UTRN: variants seen among roughly 807,000 people sequenced by gnomAD.
UTRN encodes utrophin.
A neutral mutation model predicts 463.9 loss-of-function variants in UTRN; 283 were observed. That is an observed-to-expected ratio of 0.61 (90% CI 0.55 to 0.67). The LOEUF is 0.67. UTRN is among the 30% of genes least tolerant of loss of function. UTRN has a pLI of 0.00. For missense variants in UTRN, 3,922 were observed against 4,084.3 expected (o/e 0.96, Z 1.08); for synonymous variants, 1,442 against 1,431.5 (o/e 1.01, Z -0.17).
chr6:144,599,318 G>T (rs1038557469), intron 51 of UTRN, among the ~76,000 whole-genome samples: 6 of 152,058 alleles, frequency 3.9e-5, no homozygotes, highest in Admixed American at 6.6e-5. Flanking sequence ...ATTTTATATT[G>T]AAAAAATCTT....
At chr6:144,447,098 C>A in intron 14 of UTRN, 113 bp from the exon 15 acceptor site, 3 of 894,256 alleles carry the variant, frequency 3.4e-6, no homozygotes, top group Admixed American at 2.7e-5. Flanking sequence ...CTTCTTATCC[C>A]CATGTAAGGG....
At chr6:144,595,046 T>C (rs964591738) in intron 51 of UTRN, among the ~76,000 whole-genome samples, 2 of 152,156 alleles carry the variant, frequency 1.3e-5, no homozygotes, top group African/African-American at 2.4e-5. Context: ...ATAGAAATTA[T>C]TTAGAATACA....
intron 50 of UTRN, among the ~76,000 whole-genome samples, chr6:144,571,464 T>C (rs1386268150): frequency 6.6e-6 from 1 of 152,180 alleles, no homozygotes; most frequent in Non-Finnish European, 1.5e-5. Context: ...CTTACCTTCT[T>C]CTATCATTTT....
intron 65 of UTRN, among the ~76,000 whole-genome samples, chr6:144,809,101 C>G (rs1248619587): frequency 6.6e-6 from 1 of 152,082 alleles, no homozygotes; most frequent in African/African-American, 2.4e-5. Flanking sequence ...TTCATAATGA[C>G]TGAACCAAAG....
At position 144,548,791 on chromosome 6, in the gene UTRN, G is replaced by A. The variant is rs1353700773; in HGVS notation, c.6747G>A (p.Leu2249=). The A allele has an allele frequency of 5.6e-6, 9 of 1,614,034 alleles. No individual in the cohort carries two copies. The highest frequency in any genetic ancestry group is 6.8e-6 in the Non-Finnish European group (8 of 1,179,966). ...GGCTGGTATTAATCGACCAGATGCT[G>A]AAGTCCAACATTGTCACTGTTGGGG... is the stretch of plus-strand genomic sequence containing the variant. ...ADWLVLIDQM[L]KSNIVTVGDV... The change falls in exon 47 of 75, where the codon CTG becomes CTA. Residue 2249 remains leucine, a synonymous_variant. Transcript: ENST00000367545.
intron 51 of UTRN, among the ~76,000 whole-genome samples, chr6:144,627,796 G>GTTTT (rs34178832): frequency 8.9e-5 from 10 of 112,110 alleles, no homozygotes; most frequent in East Asian, 2.5e-4. Flanking sequence ...TTCCTTCTGT[G>GTTTT]TTTTTTTTTT....
At chr6:144,361,449 G>C (rs1280958988) in intron 2 of UTRN, among the ~76,000 whole-genome samples, 1 of 152,168 alleles carries the variant, frequency 6.6e-6, no homozygotes, top group Admixed American at 6.5e-5. Flanking sequence ...GGCTATGTTT[G>C]AGTTAAAACC....
At chr6:144,694,807 A>G (rs1326098601) in intron 52 of UTRN, among the ~76,000 whole-genome samples, 2 of 151,464 alleles carry the variant, frequency 1.3e-5, no homozygotes, top group African/African-American at 2.4e-5. Flanking sequence ...CTAGCAGTCT[A>G]TCTATTTTAT....
chr6:144,372,024 T>G (rs1202167320), intron 2 of UTRN, among the ~76,000 whole-genome samples: 1 of 152,212 alleles, frequency 6.6e-6, no homozygotes, highest in Non-Finnish European at 1.5e-5. Context: ...TTGAAAAGAA[T>G]AGACAGTGTT....
intron 56 of UTRN, among the ~76,000 whole-genome samples, chr6:144,753,719 T>C (rs1791648051): frequency 6.7e-6 from 1 of 149,530 alleles, no homozygotes; most frequent in Admixed American, 6.7e-5. Flanking sequence ...AAAAAAAAAT[T>C]AACCCGGCAT....
chr6:144,618,791 C>T (rs1348109713), intron 51 of UTRN, among the ~76,000 whole-genome samples: 1 of 152,002 alleles, frequency 6.6e-6, no homozygotes, highest in African/African-American at 2.4e-5. Context: ...TTAGTTAAAG[C>T]TAAGCATGGT....
chr6:144,327,885 A>G (rs1027267131), intron 2 of UTRN, among the ~76,000 whole-genome samples: 1 of 151,740 alleles, frequency 6.6e-6, no homozygotes, highest in Non-Finnish European at 1.5e-5. Flanking sequence ...TGGAGGTTGC[A>G]GTGAGCCGAG....
rs1804892076 is a variant in UTRN, at chr6:144,606,777, T to TA, written c.7479+29490dup. Among the ~76,000 whole-genome samples, 5 of 152,370 alleles carry TA rather than the reference T, an allele frequency of 3.3e-5. No homozygotes were observed. The South Asian group carries it at 1.0e-3, about 32-fold the overall frequency. ...CATTGTCTTAGCTTTCTTGAGTTTT[T>TA]ATCCTGGAATTTCTGTTTGAGGTGT... On this transcript the variant is annotated intron_variant, in intron 51 of 74. Coordinates refer to ENST00000367545, the MANE Select transcript of UTRN (RefSeq NM_007124.3).
At chr6:144,454,014 G>A (rs1788578340) in intron 19 of UTRN, 145 bp downstream of exon 19, 3 of 679,216 alleles carry the variant, frequency 4.4e-6, no homozygotes, top group Non-Finnish European at 7.1e-6. Context: ...TTAGGCAGCA[G>A]AATCTTTAAA....
At position 144,722,769 on chromosome 6, in the gene UTRN, C is replaced by T. The variant is rs537079874; in HGVS notation, c.7810-7588C>T. Among the ~76,000 whole-genome samples, 345 of 152,122 alleles carry T rather than the reference C, an allele frequency of 2.3e-3. 1 individual carries two copies. Among genetic ancestry groups the T allele is most frequent in the Non-Finnish European group, 4.1e-3 (278 of 67,998 alleles). ...TACCATATTGGAGAGCAATTAGAGACGACATAGGGAGAAACTGAGGTACCC... is the reference window on the plus strand; with the variant it reads ...TACCATATTGGAGAGCAATTAGAGATGACATAGGGAGAAACTGAGGTACCC... On this transcript the variant is annotated intron_variant, in intron 53 of 74. Transcript: ENST00000367545.
chr6:144,458,786 A>G lies in UTRN; in HGVS notation c.2301A>G (p.Glu767=). ...TCTGCATAGAAGGCCTTCCTACTGA[A>G]GAAATAAAAAATGTTCTGGAGAAGG... ...EQMGKEGLPT[E]EIKNVLEKVS... Residue 767 remains glutamate (E), a synonymous_variant, in exon 20 of 75, where the codon GAA becomes GAG. Coordinates refer to ENST00000367545, the MANE Select transcript of UTRN (RefSeq NM_007124.3). 1 of 1,599,720 alleles carries G rather than the reference A, an allele frequency of 6.3e-7. No homozygotes were observed. The highest frequency in any genetic ancestry group is 8.5e-7 in the Non-Finnish European group (1 of 1,175,728).
chr6:144,590,508 A>G (rs1442938047), intron 51 of UTRN, among the ~76,000 whole-genome samples: 2 of 152,214 alleles, frequency 1.3e-5, no homozygotes, highest in Non-Finnish European at 2.9e-5. Context: ...CTAACTTAAC[A>G]GACTGAGTTG....
At chr6:144,738,786 G>C (rs1789724808) in intron 54 of UTRN, among the ~76,000 whole-genome samples, 1 of 152,126 alleles carries the variant, frequency 6.6e-6, no homozygotes, top group Non-Finnish European at 1.5e-5. Context: ...TCCAGTTAAA[G>C]AATTACTGTT....
chr6:144,581,486 A>G (rs1293597814), intron 51 of UTRN, among the ~76,000 whole-genome samples: 5 of 151,932 alleles, frequency 3.3e-5, no homozygotes, highest in African/African-American at 9.7e-5. Flanking sequence ...TTACACTTTT[A>G]TCTCCTATGT....
Sources: allele counts gnomAD v4.1 joint callset (sites outside exome capture counted in the v4.1 genomes callset), GRCh38; gene constraint gnomAD v4.1.1; transcripts MANE v1.5; gene names NCBI Gene and HGNC (gene_info 2026-07-23, HGNC 2026-07-21).